The following FOLH1 variants were observed in gnomAD, a reference collection of about 807,000 sequenced individuals.
FOLH1 encodes the protein glutamate carboxypeptidase 2.
FOLH1 carries 54 observed loss-of-function variants against 93.9 expected under a neutral mutation model. The ratio of observed to expected loss-of-function variants is 0.57; its 90% CI spans 0.46 to 0.72. The LOEUF (loss-of-function observed/expected upper bound fraction) is 0.72, where lower values mean the gene tolerates loss of function less well. Ranked by LOEUF, FOLH1 falls within the 30% of genes least tolerant of loss-of-function variation. The pLI is 0.00. For missense variants in FOLH1, 571 were observed against 892.5 expected (o/e 0.64, Z 4.59); for synonymous variants, 249 against 303.6 (o/e 0.82, Z 1.87).
At chr11:49,198,872 C>G (rs1298801288) in intron 3 of FOLH1, among the ~76,000 whole-genome samples, 1 of 151,220 alleles carries the variant, frequency 6.6e-6, no homozygotes, top group Non-Finnish European at 1.5e-5. Flanking sequence ...CTCAGCCTCC[C>G]AAGTAGCTGA....
intron 14 of FOLH1, 112 bp from the exon 15 acceptor site, chr11:49,156,919 A>C: frequency 6.5e-7 from 1 of 1,537,654 alleles, no homozygotes; most frequent in Non-Finnish European, 8.8e-7. Flanking sequence ...AATTTTAAAC[A>C]TACAGCTTTA....
At chr11:49,169,980 G>C (rs1469213802) in intron 11 of FOLH1, among the ~76,000 whole-genome samples, 1 of 151,882 alleles carries the variant, frequency 6.6e-6, no homozygotes, top group African/African-American at 2.4e-5. Flanking sequence ...GGTTCTTCCA[G>C]ATAGTGGCAA....
chr11:49,207,992 C>T (rs907135604), intron 1 of FOLH1: 4 of 603,034 alleles, frequency 6.6e-6, no homozygotes, highest in African/African-American at 2.2e-5. Flanking sequence ...AAAAAAACTT[C>T]CTCTGTCTTG....
At chr11:49,199,057 G>A (rs202683) in intron 3 of FOLH1, among the ~76,000 whole-genome samples, 52,672 of 150,494 alleles carry the variant, frequency 0.35, 9,714 homozygotes, top group African/African-American at 0.53. Flanking sequence ...ATTAAGAAGA[G>A]ACTGATTCAT....
In FOLH1 at chr11:49,201,255, G is replaced by GATATATAT. The variant is rs35326986; in HGVS notation, c.225-822_225-815dup. 3.8e-3 allele frequency among the ~76,000 whole-genome samples: 533 copies of GATATATAT among 139,842 alleles called. 4 individuals are homozygous for GATATATAT. In the East Asian group the frequency reaches 0.045, roughly 12 times the overall value. 91.7% of individuals were successfully genotyped at this position (139,842 alleles called of 152,430 possible). On this transcript the variant is annotated intron_variant, in intron 2 of 18. Transcript: ENST00000256999. ...GACAAGATATTATGTAGCATGAAAA[G>GATATATAT]ATATATATATATATATATATATAGT... is the stretch of plus-strand genomic sequence containing the variant.
chr11:49,201,840 G>C (rs1863291610), intron 2 of FOLH1, among the ~76,000 whole-genome samples: 4 of 152,144 alleles, frequency 2.6e-5, no homozygotes, highest in Admixed American at 2.6e-4. Context: ...AATTACTATG[G>C]GGAATCTTGA....
At chr11:49,165,056 AG>A (rs1485521430) in intron 12 of FOLH1, among the ~76,000 whole-genome samples, 1 of 152,148 alleles carries the variant, frequency 6.6e-6, no homozygotes, top group Non-Finnish European at 1.5e-5. Context: ...AGCCTGGAAC[AG>A]TATTCTGCAT....
intron 12 of FOLH1, among the ~76,000 whole-genome samples, chr11:49,167,142 T>C (rs1334149497): frequency 6.6e-6 from 1 of 152,202 alleles, no homozygotes; most frequent in Non-Finnish European, 1.5e-5. Flanking sequence ...GCATATAATA[T>C]ACATATATAT....
chr11:49,206,795 C>T (rs1353292620), intron 1 of FOLH1: 2 of 1,535,900 alleles, frequency 1.3e-6, no homozygotes, highest in Non-Finnish European at 8.7e-7. Context: ...CTCTGCCAGA[C>T]ACCCAGTGCA....
Position 49,194,950 on chromosome 11 carries a change from C to T in FOLH1, c.412-2056G>A, listed in dbSNP as rs978484352. Among the ~76,000 whole-genome samples, 10 of 151,766 alleles carry T rather than the reference C, an allele frequency of 6.6e-5. 1 individual carries two copies. Among genetic ancestry groups the T allele is most frequent in the African/African-American group, 1.7e-4 (7 of 41,344 alleles). On this transcript the variant is annotated intron_variant, in intron 3 of 18. Coordinates refer to ENST00000256999, the MANE Select transcript of FOLH1 (RefSeq NM_004476.3). ...TATATATAGTATAAAACAGACATCA[C>T]TATAGTGAGGTGAGATAATTTAACA...
intron 1 of FOLH1, chr11:49,206,801 G>A (rs1272155693): frequency 2.0e-6 from 3 of 1,535,796 alleles, no homozygotes; most frequent in South Asian, 1.2e-5. Flanking sequence ...CAGACACCCA[G>A]TGCACGCATA....
At chr11:49,147,585 G>A (rs1855918290) in intron 18 of FOLH1, among the ~76,000 whole-genome samples, 2 of 152,064 alleles carry the variant, frequency 1.3e-5, no homozygotes, top group African/African-American at 4.8e-5. Flanking sequence ...GGCTATGACA[G>A]TTCATGTAAT....
At chr11:49,156,140 T>C (rs1565135883) in intron 15 of FOLH1, among the ~76,000 whole-genome samples, 3 of 152,034 alleles carry the variant, frequency 2.0e-5, no homozygotes. Flanking sequence ...TCAGCCATGA[T>C]TGTGATGCCT....
At chr11:49,150,924 G>A (rs1856442210) in intron 17 of FOLH1, among the ~76,000 whole-genome samples, 1 of 152,110 alleles carries the variant, frequency 6.6e-6, no homozygotes, top group Non-Finnish European at 1.5e-5. Context: ...AGCATTTAGT[G>A]ATCATTTCCT....
Position 49,164,730 on chromosome 11 carries a change from C to A in FOLH1, c.1415G>T (p.Ser472Ile), listed in dbSNP as rs1411539582. ...CTCTTTTGTTAGGTTGTGTACCAAG[C>A]TGTACATCAGCGGTGTACAATCAAC... ...LRVDCTPLMY[S>I]LVHNLTKELK... Residue 472 changes from serine to isoleucine, a missense_variant, in exon 13 of 19, where the codon AGC (serine) becomes ATC (isoleucine). Coordinates refer to ENST00000256999, the MANE Select transcript of FOLH1 (RefSeq NM_004476.3). The A allele has an allele frequency of 1.9e-6, 3 of 1,604,870 alleles. No individual in the cohort carries two copies. The highest frequency in any genetic ancestry group is 2.6e-6 in the Non-Finnish European group (3 of 1,173,620).
At chr11:49,207,926 G>C in intron 1 of FOLH1, 1 of 477,946 alleles carries the variant, frequency 2.1e-6, no homozygotes, top group South Asian at 1.5e-5. Flanking sequence ...AGAATGCACA[G>C]AGAGGTAAAA....
intron 7 of FOLH1, among the ~76,000 whole-genome samples, chr11:49,182,193 G>A (rs999408883): frequency 6.6e-6 from 1 of 151,962 alleles, no homozygotes; most frequent in African/African-American, 2.4e-5. Context: ...GCCGGGCATA[G>A]TGGTGGGCAC....
intron 2 of FOLH1, 138 bp from the exon 3 acceptor site, chr11:49,200,579 A>T: frequency 1.1e-6 from 1 of 870,120 alleles, no homozygotes; most frequent in South Asian, 1.9e-5. Flanking sequence ...GTATTATTGC[A>T]TGAAATAGAT....
intron 12 of FOLH1, among the ~76,000 whole-genome samples, chr11:49,165,738 A>G (rs1179489575): frequency 6.6e-6 from 1 of 152,250 alleles, no homozygotes; most frequent in Non-Finnish European, 1.5e-5. Context: ...CCTCGGATCC[A>G]TGTTTGAGAA....
Sources: gnomAD v4.1 joint callset for allele counts (sites outside exome capture counted in the v4.1 genomes callset) on GRCh38, gnomAD v4.1.1 for gene constraint, MANE v1.5 for transcripts, NCBI Gene and HGNC (gene_info 2026-07-23, HGNC 2026-07-21) for gene names.